Variants in RDH11 observed in about 807,000 individuals in gnomAD.
RDH11 encodes the protein HCV core-binding protein HCBP12.
Under a neutral mutation model 33.4 loss-of-function variants are expected in RDH11, and 19 were observed. The observed-to-expected ratio is 0.57, with a 90% CI of 0.40 to 0.83. RDH11 has a LOEUF of 0.83. Ranked by LOEUF, RDH11 falls within the 40% of genes least tolerant of loss-of-function variation. RDH11 has a pLI of 0.00. For missense variants in RDH11, 353 were observed against 389.0 expected (o/e 0.91, Z 0.78); for synonymous variants, 154 against 155.3 (o/e 0.99, Z 0.06).
rs1301862975 is a variant in RDH11, at chr14:67,690,268, C to T, written c.608G>A (p.Cys203Tyr). 2.5e-6 allele frequency: 4 copies of T among 1,613,968 alleles called. No individual in the cohort carries two copies. The highest frequency in any genetic ancestry group is 3.4e-6 in the Non-Finnish European group (4 of 1,180,020). The stretch of plus-strand genomic sequence containing the variant: ...GAGGATGTTGGCTAGCTTGCTGTGA[C>T]AGTAGGCCAGGCCTGCATTGTAGAA... ...EKFYNAGLAY[C>Y]HSKLANILFT... Residue 203 changes from cysteine to tyrosine, a missense_variant, in exon 5 of 7, where the codon TGT (cysteine) becomes TAT (tyrosine). Physicochemically the swap from Cys to Tyr is radical, Grantham distance 194. Coordinates refer to ENST00000381346, the MANE Select transcript of RDH11 (RefSeq NM_016026.4).
chr14:67,690,117 T>C, intron 5 of RDH11, 95 bp downstream of exon 5: 1 of 1,074,712 alleles, frequency 9.3e-7, no homozygotes, highest in Non-Finnish European at 1.4e-6. Flanking sequence ...GCAGGTCCTC[T>C]CCAGGTGATG....
chr14:67,682,961 G>A (rs2037632454), intron 6 of RDH11, among the ~76,000 whole-genome samples: 1 of 152,172 alleles, frequency 6.6e-6, no homozygotes, highest in Non-Finnish European at 1.5e-5. Flanking sequence ...ATTAAGCTGA[G>A]TAAAAGAAGT....
At chr14:67,685,306 G>A in intron 5 of RDH11, 102 bp from the exon 6 acceptor site, 2 of 878,222 alleles carry the variant, frequency 2.3e-6, no homozygotes, top group Non-Finnish European at 3.5e-6. Context: ...TTCACATATG[G>A]ACTCTTTTGC....
intron 5 of RDH11, 144 bp downstream of exon 5, chr14:67,690,068 G>C: frequency 1.5e-6 from 1 of 664,984 alleles, no homozygotes; most frequent in Non-Finnish European, 2.6e-6. Context: ...TTCAGTTGTA[G>C]ACTACTTACT....
At chr14:67,688,937 G>A (rs8017085) in intron 5 of RDH11, among the ~76,000 whole-genome samples, 147,754 of 152,294 alleles carry the variant, frequency 0.97, 71,808 homozygotes, top group East Asian at 1. Context: ...CACTGAATAC[G>A]TGTCTGCTGA....
In RDH11 at chr14:67,693,062, GAGA is replaced by G. The variant is rs758425317; in HGVS notation, c.75-13_75-11del. 3.2e-5 allele frequency: 50 copies of G among 1,581,382 alleles called. 1 individual carries two copies. Among genetic ancestry groups the G allele is most frequent in the South Asian group, 5.6e-5 (5 of 89,798 alleles). ...ACTGGACAGCATTTTCCTGCAGACA[GAGA>G]AGGAGAGCTCATCAATTCTTCATTC... is the stretch of plus-strand genomic sequence containing the variant. On this transcript the variant is annotated splice_polypyrimidine_tract_variant and intron_variant, in intron 1 of 6. Coordinates refer to ENST00000381346, the MANE Select transcript of RDH11 (RefSeq NM_016026.4).
intron 1 of RDH11, among the ~76,000 whole-genome samples, chr14:67,693,694 G>C (rs1475143724): frequency 1.3e-5 from 2 of 150,142 alleles, no homozygotes; most frequent in Non-Finnish European, 3.0e-5. Flanking sequence ...TGTTGCCCAG[G>C]CTGGAGTGCA....
Position 67,677,278 on chromosome 14 carries a change from T to A in RDH11, c.*1043A>T, listed in dbSNP as rs1402560253. 6.6e-6 allele frequency: 1 copy of A among 151,702 alleles called. No individual in the cohort carries two copies. Among genetic ancestry groups the A allele is most frequent in the African/African-American group, 2.4e-5 (1 of 41,342 alleles). 9.4% of individuals were successfully genotyped at this position (151,702 alleles called of 1,614,324 possible). A position where few individuals can be genotyped will look rare whatever the true frequency, so the allele number is the denominator to read the frequency against. On this transcript the variant is annotated 3_prime_UTR_variant, in exon 7 of 7. Coordinates refer to ENST00000381346, the MANE Select transcript of RDH11 (RefSeq NM_016026.4). ...TGTAAGGAAATGCCCCAAAATATTA[T>A]TAAATTGACCATAATTACCAATATC...
In RDH11 at chr14:67,680,290, G is replaced by C. The variant is rs575012718; in HGVS notation, c.855-1867C>G. On this transcript the variant is annotated intron_variant, in intron 6 of 6. Coordinates refer to ENST00000381346, the MANE Select transcript of RDH11 (RefSeq NM_016026.4). ...CCATTTCCTAGTGAAAAGATCATCA[G>C]TGAGAACCACAAGGCTCTGTATCTC... 1.4e-4 allele frequency among the ~76,000 whole-genome samples: 22 copies of C among 152,314 alleles called. No individual in the cohort carries two copies. In the South Asian group the frequency reaches 3.3e-3, roughly 23 times the overall value.
intron 5 of RDH11, 65 bp from the exon 6 acceptor site, chr14:67,685,269 GA>G: frequency 3.0e-6 from 4 of 1,339,398 alleles, no homozygotes; most frequent in Non-Finnish European, 4.1e-6. Flanking sequence ...GCCCAAAACA[GA>G]AAAGGATGTA....
chr14:67,681,164 G>C (rs1013862492), intron 6 of RDH11, among the ~76,000 whole-genome samples: 4 of 152,230 alleles, frequency 2.6e-5, no homozygotes, highest in Non-Finnish European at 5.9e-5. Flanking sequence ...AGAGACACCA[G>C]GAGTGTGTGT....
chr14:67,687,766 C>T (rs1286239405), intron 5 of RDH11, among the ~76,000 whole-genome samples: 3 of 149,782 alleles, frequency 2.0e-5, no homozygotes, highest in Admixed American at 6.7e-5. Flanking sequence ...CCACCACGTC[C>T]GGCCCTTTTT....
chr14:67,687,767 G>A lies in RDH11; in HGVS notation c.664+2445C>T, dbSNP rs577399928. On this transcript the variant is annotated intron_variant, in intron 5 of 6. Coordinates refer to ENST00000381346, the MANE Select transcript of RDH11 (RefSeq NM_016026.4). Reference sequence around the variant, plus strand: ...ATTACAAGCATGAGCCACCACGTCCGGCCCTTTTTTTTTTTCATTTTTTCA... The same window carrying A: ...ATTACAAGCATGAGCCACCACGTCCAGCCCTTTTTTTTTTTCATTTTTTCA... Among the ~76,000 whole-genome samples, 155 of 148,676 alleles carry A rather than the reference G, an allele frequency of 1.0e-3. 1 individual carries two copies. Among genetic ancestry groups the A allele is most frequent in the African/African-American group, 3.5e-3 (141 of 40,310 alleles).
intron 6 of RDH11, among the ~76,000 whole-genome samples, chr14:67,678,756 T>C (rs567463114): frequency 3.9e-5 from 6 of 152,152 alleles, no homozygotes; most frequent in Admixed American, 2.0e-4. Flanking sequence ...AGTAAGTCCA[T>C]AAGGCCCATT....
At chr14:67,691,480 T>C (rs994164807) in intron 3 of RDH11, 2 of 431,000 alleles carry the variant, frequency 4.6e-6, no homozygotes, top group Non-Finnish European at 8.4e-6. Context: ...CAGATCCTTG[T>C]AGTTCAGGAG....
intron 6 of RDH11, 89 bp from the exon 7 acceptor site, chr14:67,678,512 T>G: frequency 1.2e-6 from 1 of 800,044 alleles, no homozygotes; most frequent in Non-Finnish European, 2.1e-6. Flanking sequence ...TAAAAACAAC[T>G]AGGGATCACA....
chr14:67,693,525 A>G (rs1180441899), intron 1 of RDH11, among the ~76,000 whole-genome samples: 1 of 151,780 alleles, frequency 6.6e-6, no homozygotes, highest in African/African-American at 2.4e-5. Context: ...AAGAAAAAAA[A>G]AACACACCCA....
chr14:67,690,904 C>T, intron 4 of RDH11: 1 of 521,770 alleles, frequency 1.9e-6, no homozygotes, highest in South Asian at 2.5e-5. Context: ...ACCAATTAGT[C>T]TGTTAAAAAA....
chr14:67,681,960 C>A (rs4902509), intron 6 of RDH11, among the ~76,000 whole-genome samples: 144,538 of 152,176 alleles, frequency 0.95, 68,999 homozygotes, highest in Non-Finnish European at 1. Context: ...GCCCTCATAC[C>A]TGGATTAATG....
Sources: gnomAD v4.1 joint callset for allele counts (sites outside exome capture counted in the v4.1 genomes callset) on GRCh38, gnomAD v4.1.1 for gene constraint, MANE v1.5 for transcripts, NCBI Gene and HGNC (gene_info 2026-07-23, HGNC 2026-07-21) for gene names.